The following CA10 variants were observed in gnomAD, a reference collection of about 807,000 sequenced individuals.
The protein encoded by CA10 is carbonic anhydrase-related protein 10.
In CA10, 14 loss-of-function variants were observed where a neutral mutation model predicts 44.2. That is an observed-to-expected ratio of 0.32 (90% CI 0.21 to 0.50). The LOEUF (loss-of-function observed/expected upper bound fraction) is 0.50, where lower values mean the gene tolerates loss of function less well. Ranked by LOEUF, CA10 falls within the 20% of genes least tolerant of loss-of-function variation. The pLI is 0.99. For synonymous variants in CA10, 159 were observed against 141.6 expected, an observed-to-expected ratio of 1.12 and a Z score of -0.87; for missense variants, 350 against 409.7, an observed-to-expected ratio of 0.85 and a Z score of 1.26.
chr17:51,716,502 C>T (rs1916119256), intron 4 of CA10, among the ~76,000 whole-genome samples: 1 of 152,106 alleles, frequency 6.6e-6, no homozygotes, highest in South Asian at 2.1e-4. Flanking sequence ...CCAAGAAGTT[C>T]ACCCATTGGC....
intron 2 of CA10, among the ~76,000 whole-genome samples, chr17:52,015,673 T>A (rs1037380664): frequency 6.6e-6 from 1 of 152,112 alleles, no homozygotes; most frequent in Non-Finnish European, 1.5e-5. Context: ...GAGACTTCCT[T>A]GAGAGTCTGA....
intron 3 of CA10, among the ~76,000 whole-genome samples, chr17:51,764,565 G>T (rs1188659478): frequency 6.6e-6 from 1 of 152,158 alleles, no homozygotes; most frequent in Non-Finnish European, 1.5e-5. Flanking sequence ...TCACTAGAGG[G>T]CAGTGTGGAA....
chr17:52,015,628 T>C (rs1033324044), intron 2 of CA10, among the ~76,000 whole-genome samples: 4 of 152,150 alleles, frequency 2.6e-5, no homozygotes, highest in African/African-American at 9.6e-5. Context: ...CAGCTATTTC[T>C]TCTAAGCCTG....
At chr17:51,721,056 G>A (rs1271539995) in intron 4 of CA10, among the ~76,000 whole-genome samples, 4 of 152,130 alleles carry the variant, frequency 2.6e-5, no homozygotes, top group African/African-American at 7.2e-5. Flanking sequence ...TAGGCTGGGC[G>A]TGGTGGCTCA....
intron 1 of CA10, among the ~76,000 whole-genome samples, chr17:52,076,835 G>C (rs1423871573): frequency 6.6e-6 from 1 of 152,188 alleles, no homozygotes; most frequent in African/African-American, 2.4e-5. Flanking sequence ...TGAGTGAAGA[G>C]CTGATTGAGA....
intron 1 of CA10, among the ~76,000 whole-genome samples, chr17:52,112,613 T>C (rs926812548): frequency 2.0e-5 from 3 of 152,378 alleles, no homozygotes; most frequent in Non-Finnish European, 4.4e-5. Context: ...TTTCTCAATG[T>C]AATCATCGTG....
intron 3 of CA10, among the ~76,000 whole-genome samples, chr17:51,911,632 C>T (rs980826399): frequency 6.6e-6 from 1 of 152,106 alleles, no homozygotes; most frequent in African/African-American, 2.4e-5. Context: ...TAATGAGCTA[C>T]AGAAGGAGTC....
chr17:52,093,295 C>T (rs992048127), intron 1 of CA10, among the ~76,000 whole-genome samples: 1 of 152,152 alleles, frequency 6.6e-6, no homozygotes, highest in African/African-American at 2.4e-5. Flanking sequence ...CAATCTTCAT[C>T]TAAGCAAATC....
At chr17:51,750,026 T>C (rs944780376) in intron 3 of CA10, among the ~76,000 whole-genome samples, 7 of 152,232 alleles carry the variant, frequency 4.6e-5, no homozygotes, top group African/African-American at 1.7e-4. Flanking sequence ...TAAATGTATA[T>C]TTAGTTAGTG....
chr17:52,135,477 A>C (rs1415006343), intron 1 of CA10, among the ~76,000 whole-genome samples: 2 of 152,190 alleles, frequency 1.3e-5, no homozygotes, highest in African/African-American at 4.8e-5. Flanking sequence ...ATGGGCATGA[A>C]GTTCAATTGC....
chr17:52,156,394 G>T (rs917999960), intron 1 of CA10, among the ~76,000 whole-genome samples: 1 of 152,184 alleles, frequency 6.6e-6, no homozygotes, highest in Non-Finnish European at 1.5e-5. Context: ...TGTCTGCCAG[G>T]TACACAACAC....
At chr17:52,035,602 T>C (rs921696382) in intron 2 of CA10, among the ~76,000 whole-genome samples, 1 of 152,208 alleles carries the variant, frequency 6.6e-6, no homozygotes, top group African/African-American at 2.4e-5. Flanking sequence ...CATCCACAGA[T>C]GGCAGTGCTA....
intron 1 of CA10, among the ~76,000 whole-genome samples, chr17:52,146,255 TA>T (rs199957700): frequency 0.013 from 1,883 of 148,918 alleles, 35 homozygotes; most frequent in African/African-American, 0.045. Context: ...AGTATGATAA[TA>T]AAAAAAAAAT....
At chr17:51,840,258 T>C (rs1441406522) in intron 3 of CA10, among the ~76,000 whole-genome samples, 3 of 152,152 alleles carry the variant, frequency 2.0e-5, no homozygotes, top group Non-Finnish European at 2.9e-5. Flanking sequence ...AGGATCAAGA[T>C]AGGGTTTCAC....
At chr17:51,701,899 T>C (rs141670053) in intron 4 of CA10, among the ~76,000 whole-genome samples, 248 of 152,324 alleles carry the variant, frequency 1.6e-3, no homozygotes, top group Non-Finnish European at 2.3e-3. Context: ...TCTGTGGACC[T>C]TGTAGTCACC....
chr17:51,632,823 A>C (rs1184764027), intron 8 of CA10, among the ~76,000 whole-genome samples: 3 of 152,176 alleles, frequency 2.0e-5, no homozygotes, highest in African/African-American at 7.2e-5. Flanking sequence ...AAGGGAAGAG[A>C]GAGAGGGCTG....
chr17:52,138,223 T>G (rs1378191611), intron 1 of CA10, among the ~76,000 whole-genome samples: 3 of 152,228 alleles, frequency 2.0e-5, no homozygotes, highest in Non-Finnish European at 2.9e-5. Context: ...CCTCAGCTTC[T>G]GTTCTCACAT....
At chr17:51,699,045 G>A (rs1299320433) in intron 4 of CA10, among the ~76,000 whole-genome samples, 1 of 152,206 alleles carries the variant, frequency 6.6e-6, no homozygotes, top group East Asian at 1.9e-4. Context: ...CCTGGGCCGA[G>A]TGTGGTGACT....
chr17:51,636,136 G>A (rs1912818196), intron 6 of CA10, 127 bp from the exon 7 acceptor site: 1 of 493,562 alleles, frequency 2.0e-6, no homozygotes, highest in Non-Finnish European at 3.3e-6. Context: ...AGATATATAT[G>A]TATTTCTTTT....
Sources: allele counts gnomAD v4.1 joint callset (sites outside exome capture counted in the v4.1 genomes callset), GRCh38; gene constraint gnomAD v4.1.1; transcripts MANE v1.5; gene names NCBI Gene and HGNC (gene_info 2026-07-23, HGNC 2026-07-21).